Variants in ATP9B observed in about 807,000 individuals in gnomAD.
ATP9B encodes probable phospholipid-transporting ATPase IIB.
In ATP9B, 110 loss-of-function variants were observed where a neutral mutation model predicts 146.1. That is an observed-to-expected ratio of 0.75 (90% CI 0.65 to 0.88). The LOEUF is 0.88. Among genes scored for constraint, ATP9B ranks in the 40% least tolerant of loss-of-function variants. The probability of loss-of-function intolerance (pLI) is 0.00; values close to 1 mark genes in which losing one functional copy is unlikely to be tolerated. For synonymous variants in ATP9B, 604 were observed against 569.7 expected (o/e 1.06, Z -0.86); for missense variants, 1,499 against 1,496.4 (o/e 1.00, Z -0.03).
At chr18:79,253,565 A>G in intron 12 of ATP9B, 24 bp downstream of exon 12, 1 of 1,554,664 alleles carries the variant, frequency 6.4e-7, no homozygotes, top group Non-Finnish European at 8.7e-7. Flanking sequence ...TGAAAATAAA[A>G]CAAATGTCTG....
intron 4 of ATP9B, chr18:79,117,670 C>T (rs764706126): frequency 2.2e-4 from 34 of 152,010 alleles, no homozygotes; most frequent in African/African-American, 6.8e-4. Context: ...AAAAGGAAGC[C>T]GTATGTTTGT....
chr18:79,335,254 C>T (rs773546452), intron 17 of ATP9B, among the ~76,000 whole-genome samples: 15 of 152,176 alleles, frequency 9.9e-5, no homozygotes, highest in Non-Finnish European at 2.2e-4. Context: ...GCGTCAACCT[C>T]GTGTGGACAT....
chr18:79,113,719 C>T (rs2094013569), intron 4 of ATP9B, among the ~76,000 whole-genome samples: 1 of 152,220 alleles, frequency 6.6e-6, no homozygotes, highest in Admixed American at 6.5e-5. Flanking sequence ...ACTCTCTTCA[C>T]ACCCTGACCA....
chr18:79,118,243 C>T (rs1167257273), intron 4 of ATP9B, among the ~76,000 whole-genome samples: 1 of 152,086 alleles, frequency 6.6e-6, no homozygotes, highest in African/African-American at 2.4e-5. Context: ...AAACATTCTA[C>T]AGGCTGTGTA....
intron 10 of ATP9B, among the ~76,000 whole-genome samples, chr18:79,207,493 A>G (rs1231203366): frequency 6.6e-6 from 1 of 152,200 alleles, no homozygotes; most frequent in Non-Finnish European, 1.5e-5. Flanking sequence ...TTACCATGTT[A>G]TCAGGTATGA....
chr18:79,200,779 A>AGGCGGAGGTGGGAACTGTCAGGGTCAG (rs2095475928), intron 9 of ATP9B, among the ~76,000 whole-genome samples: 1 of 28,516 alleles, frequency 3.5e-5, no homozygotes, highest in African/African-American at 1.4e-4. Context: ...GTCAGAGCAG[A>AGGCGGAGGTGGGAACTGTCAGGGTCAG]AGTAGTGGTG....
chr18:79,302,582 A>T (rs2096598114), intron 13 of ATP9B, among the ~76,000 whole-genome samples: 1 of 152,220 alleles, frequency 6.6e-6, no homozygotes, highest in Non-Finnish European at 1.5e-5. Flanking sequence ...TGCACATGTA[A>T]TATGTGTATT....
chr18:79,239,949 G>T lies in ATP9B; in HGVS notation c.1108-13432G>T, dbSNP rs1009069886. Among the ~76,000 whole-genome samples the T allele has an allele frequency of 6.6e-6, 1 of 152,202 alleles. No homozygotes were observed. The highest frequency in any genetic ancestry group is 2.4e-5 in the African/African-American group (1 of 41,450). On this transcript the variant is annotated intron_variant, in intron 11 of 29. Transcript: ENST00000426216. The surrounding 1 kb of genome is among the most constrained non-coding windows in gnomAD (Gnocchi z 5.1). ...GCGTCCCCATCAGCGGTGACCAGCA[G>T]ATCACCACGCCTCAGGGGCCCCACA...
At chr18:79,117,035 T>C (rs1000240850) in intron 4 of ATP9B, among the ~76,000 whole-genome samples, 1 of 147,004 alleles carries the variant, frequency 6.8e-6, no homozygotes, top group Non-Finnish European at 1.5e-5. Context: ...CAATAGATTA[T>C]TCAAACTGCC....
At chr18:79,173,578 C>A in intron 7 of ATP9B, 1 of 418,566 alleles carries the variant, frequency 2.4e-6, no homozygotes, top group Non-Finnish European at 4.7e-6. Context: ...ATAGTGAAGA[C>A]TCCATTCTCC....
chr18:79,251,156 C>T (rs1226950333), intron 11 of ATP9B, among the ~76,000 whole-genome samples: 1 of 152,230 alleles, frequency 6.6e-6, no homozygotes, highest in Non-Finnish European at 1.5e-5. Flanking sequence ...AGGAGTCTTA[C>T]ACAGTGAAGT....
chr18:79,359,550 A>G (rs1200391080), intron 26 of ATP9B, 88 bp downstream of exon 26: 2 of 954,352 alleles, frequency 2.1e-6, no homozygotes, highest in African/African-American at 3.2e-5. Flanking sequence ...GTCAGGAGGC[A>G]TTTCCAGGCA....
chr18:79,342,214 G>C, intron 19 of ATP9B, 54 bp from the exon 20 acceptor site: 1 of 1,389,908 alleles, frequency 7.2e-7, no homozygotes, highest in Non-Finnish European at 1.0e-6. Flanking sequence ...TGAGACATCA[G>C]AAATGAACGT....
intron 26 of ATP9B, chr18:79,361,912 A>G (rs1415486476): frequency 7.2e-6 from 4 of 556,026 alleles, no homozygotes; most frequent in Non-Finnish European, 9.1e-6. Flanking sequence ...CCTGCTCTCA[A>G]CAAGTCTGTA....
intron 11 of ATP9B, among the ~76,000 whole-genome samples, chr18:79,223,031 G>A (rs1412186500): frequency 6.6e-6 from 1 of 152,174 alleles, no homozygotes; most frequent in Admixed American, 6.5e-5. Flanking sequence ...ATTGCTTCAA[G>A]CAGTTATTGT....
At chr18:79,105,820 A>G (rs74551778) in intron 2 of ATP9B, among the ~76,000 whole-genome samples, 4,053 of 152,298 alleles carry the variant, frequency 0.027, 194 homozygotes, top group African/African-American at 0.093. Context: ...TAATCGGCAG[A>G]CGTTGAGGGC....
At chr18:79,360,100 G>C (rs1482786668) in intron 26 of ATP9B, 1 of 154,338 alleles carries the variant, frequency 6.5e-6, no homozygotes, top group African/African-American at 2.4e-5. Context: ...GATTAAAGGA[G>C]GCTTTGAATT....
chr18:79,339,917 T>C (rs970983521), intron 19 of ATP9B, among the ~76,000 whole-genome samples: 2 of 152,230 alleles, frequency 1.3e-5, no homozygotes, highest in African/African-American at 4.8e-5. Context: ...TCAGAAAGTT[T>C]AGATTACTAA....
intron 26 of ATP9B, among the ~76,000 whole-genome samples, chr18:79,368,405 CTG>C (rs2097048256): frequency 6.6e-6 from 1 of 152,174 alleles, no homozygotes; most frequent in South Asian, 2.1e-4. Flanking sequence ...AAAAACAGGA[CTG>C]TGTTTGCAAA....
Sources: gnomAD v4.1 joint callset for allele counts (sites outside exome capture counted in the v4.1 genomes callset) on GRCh38, gnomAD v4.1.1 for gene constraint, Gnocchi (gnomAD v3.1) non-coding constraint, MANE v1.5 for transcripts, NCBI Gene and HGNC (gene_info 2026-07-23, HGNC 2026-07-21) for gene names.